The following GPC5 variants were observed in gnomAD, a reference collection of about 807,000 sequenced individuals.
The protein encoded by GPC5 is glypican 5, also known as glypican-5.
Under a neutral mutation model 53.9 loss-of-function variants are expected in GPC5, and 47 were observed. The ratio of observed to expected loss-of-function variants is 0.87; its 90% CI spans 0.69 to 1.11. GPC5 has a LOEUF of 1.11. Among genes scored for constraint, GPC5 ranks in the 50% most tolerant of loss-of-function variants. The pLI, the probability that GPC5 is intolerant of heterozygous loss-of-function variation, is 0.00. For missense variants in GPC5, 748 were observed against 713.1 expected, an observed-to-expected ratio of 1.05 and a Z score of -0.56; for synonymous variants, 286 against 263.3, an observed-to-expected ratio of 1.09 and a Z score of -0.84.
intron 2 of GPC5, among the ~76,000 whole-genome samples, chr13:91,606,092 T>C (rs1338242325): frequency 8.2e-6 from 1 of 121,538 alleles, no homozygotes; most frequent in Non-Finnish European, 1.7e-5. Flanking sequence ...GCTGTGGGTT[T>C]GTCATAAATA....
chr13:91,506,232 A>C (rs1298762995), intron 2 of GPC5, among the ~76,000 whole-genome samples: 1 of 152,152 alleles, frequency 6.6e-6, no homozygotes, highest in African/African-American at 2.4e-5. Context: ...AAGTTGAGTA[A>C]TTATTAATTT....
chr13:92,195,900 A>C (rs2042253493), intron 7 of GPC5, among the ~76,000 whole-genome samples: 1 of 152,168 alleles, frequency 6.6e-6, no homozygotes, highest in South Asian at 2.1e-4. Flanking sequence ...AGGACTCAGA[A>C]GGGGGCTCTG....
At chr13:92,393,664 AACTT>A (rs1442888376) in intron 7 of GPC5, among the ~76,000 whole-genome samples, 2 of 152,102 alleles carry the variant, frequency 1.3e-5, no homozygotes, top group African/African-American at 4.8e-5. Flanking sequence ...AAACAAAAAA[AACTT>A]ACGAACACAA....
chr13:92,488,952 C>T (rs1383476587), intron 7 of GPC5, among the ~76,000 whole-genome samples: 2 of 152,118 alleles, frequency 1.3e-5, no homozygotes, highest in African/African-American at 4.8e-5. Flanking sequence ...AAGTAAATTT[C>T]AGGGGAATGG....
chr13:91,767,306 T>G (rs2037543803), intron 5 of GPC5, among the ~76,000 whole-genome samples: 1 of 152,216 alleles, frequency 6.6e-6, no homozygotes, highest in South Asian at 2.1e-4. Flanking sequence ...TGGAGAGTGA[T>G]AGTCACTTGA....
chr13:91,486,402 C>T (rs568914304), intron 2 of GPC5: 1 of 152,314 alleles, frequency 6.6e-6, no homozygotes, highest in South Asian at 2.1e-4. Context: ...TTGAGTACAA[C>T]TTAATTGTAG....
In GPC5 at chr13:91,829,588, A is replaced by C. The variant is rs924788765; in HGVS notation, c.1280+73168A>C. 9.2e-5 allele frequency among the ~76,000 whole-genome samples: 14 copies of C among 152,214 alleles called. No homozygotes were observed. The East Asian group carries it at 1.7e-3, about 19-fold the overall frequency. On this transcript the variant is annotated intron_variant, in intron 5 of 7. Coordinates refer to ENST00000377067, the MANE Select transcript of GPC5 (RefSeq NM_004466.6). ...TAAATAGAGCAAAATGTAAATAATT[A>C]GTTTATCTTGGTGTATTAGTCAGGG... is the stretch of plus-strand genomic sequence containing the variant.
At chr13:91,629,389 TC>T (rs1454781427) in intron 2 of GPC5, among the ~76,000 whole-genome samples, 1 of 152,144 alleles carries the variant, frequency 6.6e-6, no homozygotes, top group Non-Finnish European at 1.5e-5. Flanking sequence ...ACGCCTGTAA[TC>T]CTGGCACTTT....
intron 1 of GPC5, among the ~76,000 whole-genome samples, chr13:91,407,701 A>G (rs1008410182): frequency 1.3e-5 from 2 of 152,148 alleles, no homozygotes; most frequent in African/African-American, 4.8e-5. Flanking sequence ...CTGTGGAACT[A>G]TTCCTGAGCT....
chr13:92,109,650 C>A (rs1351906937), intron 6 of GPC5, among the ~76,000 whole-genome samples: 2 of 152,102 alleles, frequency 1.3e-5, no homozygotes, highest in Non-Finnish European at 2.9e-5. Flanking sequence ...TCATTATCTA[C>A]CTTCTGATCA....
At chr13:91,583,042 AC>A (rs2032427746) in intron 2 of GPC5, among the ~76,000 whole-genome samples, 1 of 152,162 alleles carries the variant, frequency 6.6e-6, no homozygotes, top group Non-Finnish European at 1.5e-5. Flanking sequence ...TATAGTAAAA[AC>A]ATTTAGCATC....
At chr13:91,704,150 T>A (rs546014444) in intron 3 of GPC5, among the ~76,000 whole-genome samples, 1 of 152,202 alleles carries the variant, frequency 6.6e-6, no homozygotes, top group African/African-American at 2.4e-5. Flanking sequence ...TCTATTAATA[T>A]GTACCTTTTT....
chr13:91,418,078 T>G (rs1250990082), intron 1 of GPC5, among the ~76,000 whole-genome samples: 2 of 152,134 alleles, frequency 1.3e-5, no homozygotes, highest in Non-Finnish European at 2.9e-5. Context: ...TGTCCCTTTG[T>G]GCAATGTGTC....
chr13:92,837,083 T>C (rs954204189), intron 7 of GPC5, among the ~76,000 whole-genome samples: 1 of 152,100 alleles, frequency 6.6e-6, no homozygotes, highest in African/African-American at 2.4e-5. Context: ...AAAGAAAACC[T>C]TGCAAGCTTC....
chr13:91,412,360 G>C (rs953992595), intron 1 of GPC5, among the ~76,000 whole-genome samples: 9 of 152,096 alleles, frequency 5.9e-5, no homozygotes, highest in African/African-American at 2.2e-4. Context: ...TTTATTTCTT[G>C]TTCACTGCCT....
At chr13:92,832,225 T>G (rs1878070539) in intron 7 of GPC5, among the ~76,000 whole-genome samples, 1 of 152,174 alleles carries the variant, frequency 6.6e-6, no homozygotes, top group South Asian at 2.1e-4. Context: ...AAACGTTAAC[T>G]TACTTAAACA....
intron 2 of GPC5, among the ~76,000 whole-genome samples, chr13:91,681,084 A>C (rs1466125087): frequency 6.6e-6 from 1 of 152,140 alleles, no homozygotes; most frequent in Non-Finnish European, 1.5e-5. Flanking sequence ...TTTCTCAATA[A>C]ATTTTTAAGA....
chr13:91,912,483 A>T (rs2039618632), intron 6 of GPC5, among the ~76,000 whole-genome samples: 1 of 152,188 alleles, frequency 6.6e-6, no homozygotes, highest in South Asian at 2.1e-4. Context: ...AAGACAAGAG[A>T]AGGCATCTAG....
intron 7 of GPC5, among the ~76,000 whole-genome samples, chr13:92,851,412 C>T (rs924887536): frequency 3.3e-5 from 5 of 152,174 alleles, no homozygotes; most frequent in African/African-American, 1.2e-4. Flanking sequence ...AGTCTTCTCT[C>T]AGTATCTGCC....
Sources: gnomAD v4.1 joint callset for allele counts (sites outside exome capture counted in the v4.1 genomes callset) on GRCh38, gnomAD v4.1.1 for gene constraint, MANE v1.5 for transcripts, NCBI Gene and HGNC (gene_info 2026-07-23, HGNC 2026-07-21) for gene names.